The following ELAVL2 variants were observed in gnomAD, a reference collection of about 807,000 sequenced individuals.
ELAVL2 encodes the protein ELAV like RNA binding protein 2, also known as ELAV-like protein 2.
In ELAVL2, 4 loss-of-function variants were observed where a neutral mutation model predicts 34.6. That is an observed-to-expected ratio of 0.12 (90% CI 0.06 to 0.26). The LOEUF (loss-of-function observed/expected upper bound fraction) is 0.26, where lower values mean the gene tolerates loss of function less well. Among genes scored for constraint, ELAVL2 ranks in the 10% least tolerant of loss-of-function variants. ELAVL2 has a pLI of 1.00. For missense variants in ELAVL2, 432 were observed against 442.8 expected (o/e 0.98, Z 0.22); for synonymous variants, 193 against 154.8 (o/e 1.25, Z -1.83).
the ELAVL2 span, among the ~76,000 whole-genome samples, chr9:23,838,081 T>G: frequency 6.6e-6 from 1 of 152,188 alleles, no homozygotes; most frequent in African/African-American, 2.4e-5. Flanking sequence ...TAGTGTTTAT[T>G]ATTTAATGAA....
intron 2 of ELAVL2, chr9:23,735,168 A>G (rs915803723): frequency 6.7e-6 from 1 of 149,250 alleles, no homozygotes; most frequent in Non-Finnish European, 1.5e-5. Context: ...ATGCCAAAAA[A>G]TTTGCCTGGT....
intron 1 of ELAVL2, among the ~76,000 whole-genome samples, chr9:23,762,523 T>G (rs563227706): frequency 6.6e-6 from 1 of 152,120 alleles, no homozygotes; most frequent in Non-Finnish European, 1.5e-5. Flanking sequence ...TCTGGGTCTA[T>G]TCACATATCC....
At chr9:23,806,372 A>C (rs72693568) in intron 1 of ELAVL2, among the ~76,000 whole-genome samples, 21,222 of 152,144 alleles carry the variant, frequency 0.14, 1,861 homozygotes, top group Middle Eastern at 0.2. Context: ...GAGGTGGCTC[A>C]GGTCTGTAAT....
At chr9:23,753,093 A>T (rs1305813462) in intron 2 of ELAVL2, among the ~76,000 whole-genome samples, 7 of 152,200 alleles carry the variant, frequency 4.6e-5, no homozygotes. Flanking sequence ...CAAAACAAAT[A>T]CCTTAAGGAC....
intron 2 of ELAVL2, among the ~76,000 whole-genome samples, chr9:23,734,057 G>A (rs964642337): frequency 1.3e-5 from 2 of 152,134 alleles, no homozygotes; most frequent in African/African-American, 4.8e-5. Flanking sequence ...TTTGAGGTAA[G>A]CAAAACTGTA....
At chr9:23,779,384 GC>G in intron 1 of ELAVL2, 1 of 985,416 alleles carries the variant, frequency 1.0e-6, no homozygotes, top group South Asian at 4.7e-5. Context: ...GCAACGCCCT[GC>G]CTAAACACTG....
chr9:23,797,657 G>C (rs561825061), intron 1 of ELAVL2, among the ~76,000 whole-genome samples: 2 of 152,250 alleles, frequency 1.3e-5, no homozygotes, highest in Non-Finnish European at 2.9e-5. Context: ...TGCGGGCGTG[G>C]TGGCTTACGC....
rs1413590287 is a variant in ELAVL2, at chr9:23,690,484, A to T, written c.*2073T>A. On this transcript the variant is annotated 3_prime_UTR_variant, in exon 7 of 7. Transcript: ENST00000397312. Reference sequence around the variant, plus strand: ...TAAACGCAGAAGGTTAACTCTGGCAATCTAAATGCACCTAAGGATATGAGA... The same window carrying T: ...TAAACGCAGAAGGTTAACTCTGGCATTCTAAATGCACCTAAGGATATGAGA... 1 of 152,380 alleles carries T rather than the reference A, an allele frequency of 6.6e-6. No homozygotes were observed. The highest frequency in any genetic ancestry group is 2.4e-5 in the African/African-American group (1 of 41,386). The allele number at this position is 152,380 out of a possible 1,614,324, so 9.4% of individuals were successfully genotyped here. A position where few individuals can be genotyped will look rare whatever the true frequency, so the allele number is the denominator to read the frequency against.
At chr9:23,846,597 G>C in the ELAVL2 span, among the ~76,000 whole-genome samples, 2 of 151,876 alleles carry the variant, frequency 1.3e-5, no homozygotes, top group East Asian at 1.9e-4. Flanking sequence ...AAATACTTTT[G>C]TCACTATAAC....
chr9:23,807,901 A>G lies in ELAVL2; in HGVS notation c.-16+17905T>C, dbSNP rs551753487. 2.0e-5 allele frequency among the ~76,000 whole-genome samples: 3 copies of G among 152,312 alleles called. No individual in the cohort carries two copies. The South Asian group carries it at 6.2e-4, about 32-fold the overall frequency. On this transcript the variant is annotated intron_variant, in intron 1 of 6. Coordinates refer to ENST00000397312, the MANE Select transcript of ELAVL2 (RefSeq NM_004432.5). ...AAAGGATTTAGACAATGCAGATCTC[A>G]CTGCTGGGCTTTGCATTCACCACAT... is the stretch of plus-strand genomic sequence containing the variant.
intron 5 of ELAVL2, 143 bp downstream of exon 5, chr9:23,701,236 A>C (rs2037091871): frequency 9.4e-6 from 8 of 854,950 alleles, no homozygotes; most frequent in Non-Finnish European, 1.5e-5. Flanking sequence ...CTCTGTGCCC[A>C]TGGAGATGAA....
At chr9:23,850,155 G>A in the ELAVL2 span, among the ~76,000 whole-genome samples, 1 of 151,872 alleles carries the variant, frequency 6.6e-6, no homozygotes, top group Non-Finnish European at 1.5e-5. Flanking sequence ...AAAGGTAAAG[G>A]GGAGAGTTGA....
At chr9:23,812,545 C>T (rs764669073) in intron 1 of ELAVL2, among the ~76,000 whole-genome samples, 3 of 152,040 alleles carry the variant, frequency 2.0e-5, no homozygotes, top group Non-Finnish European at 2.9e-5. Context: ...CAATGAGATG[C>T]TGCAGGGAGC....
At chr9:23,752,548 G>A (rs1345703259) in intron 2 of ELAVL2, among the ~76,000 whole-genome samples, 1 of 151,294 alleles carries the variant, frequency 6.6e-6, no homozygotes, top group Non-Finnish European at 1.5e-5. Context: ...TCCGCCTCCC[G>A]GGTTGAAGCG....
intron 2 of ELAVL2, among the ~76,000 whole-genome samples, chr9:23,747,701 C>G (rs1268343885): frequency 1.3e-5 from 2 of 152,136 alleles, no homozygotes; most frequent in East Asian, 1.9e-4. Context: ...TAAGACTTAC[C>G]CATGAAGTAT....
chr9:23,717,951 A>T (rs2042732507), intron 3 of ELAVL2, among the ~76,000 whole-genome samples: 1 of 152,156 alleles, frequency 6.6e-6, no homozygotes, highest in African/African-American at 2.4e-5. Flanking sequence ...ACTTGCAATT[A>T]AATACTTCTC....
At chr9:23,848,534 G>A in the ELAVL2 span, among the ~76,000 whole-genome samples, 1 of 152,110 alleles carries the variant, frequency 6.6e-6, no homozygotes, top group Non-Finnish European at 1.5e-5. Flanking sequence ...TCACTTTCCT[G>A]TGGTAGTTAC....
chr9:23,813,089 C>A (rs2063224452), intron 1 of ELAVL2, among the ~76,000 whole-genome samples: 1 of 152,182 alleles, frequency 6.6e-6, no homozygotes, highest in African/African-American at 2.4e-5. Context: ...CAACTATATT[C>A]ATCTCACTAG....
At chr9:23,713,729 G>T (rs1166004217) in intron 3 of ELAVL2, among the ~76,000 whole-genome samples, 1 of 152,080 alleles carries the variant, frequency 6.6e-6, no homozygotes, top group Non-Finnish European at 1.5e-5. Flanking sequence ...TTAGCACCAG[G>T]TTCAAAAATA....
Sources: gnomAD v4.1 joint callset for allele counts (sites outside exome capture counted in the v4.1 genomes callset) on GRCh38, gnomAD v4.1.1 for gene constraint, MANE v1.5 for transcripts, NCBI Gene and HGNC (gene_info 2026-07-23, HGNC 2026-07-21) for gene names.